TMCC1: variants seen among roughly 807,000 people sequenced by gnomAD.
TMCC1 encodes the protein transmembrane and coiled-coil domains protein 1.
Under a neutral mutation model 52.4 loss-of-function variants are expected in TMCC1, and 15 were observed. That is an observed-to-expected ratio of 0.29 (90% CI 0.19 to 0.44). The LOEUF is 0.44. Among genes scored for constraint, TMCC1 ranks in the 20% least tolerant of loss-of-function variants. The pLI, the probability that TMCC1 is intolerant of heterozygous loss-of-function variation, is 1.00. For missense variants in TMCC1, 503 were observed against 806.0 expected, an observed-to-expected ratio of 0.62 and a Z score of 4.55; for synonymous variants, 279 against 301.9, an observed-to-expected ratio of 0.92 and a Z score of 0.79.
intron 1 of TMCC1, among the ~76,000 whole-genome samples, chr3:129,887,642 A>C (rs2061776849): frequency 6.6e-6 from 1 of 152,126 alleles, no homozygotes. Flanking sequence ...GCATTAAAAA[A>C]AAGACCACTC....
intron 4 of TMCC1, among the ~76,000 whole-genome samples, chr3:129,825,541 G>A (rs1199571744): frequency 1.3e-5 from 2 of 150,816 alleles, no homozygotes; most frequent in Non-Finnish European, 2.9e-5. Context: ...GTGGGGGTGG[G>A]TGGTAGGGGG....
At chr3:129,889,084 C>A (rs895578318) in intron 1 of TMCC1, among the ~76,000 whole-genome samples, 62 of 152,102 alleles carry the variant, frequency 4.1e-4, no homozygotes, top group African/African-American at 1.4e-3. Context: ...CCAGCCTGGG[C>A]ACCATGGTGA....
intron 4 of TMCC1, among the ~76,000 whole-genome samples, chr3:129,729,984 A>T (rs906888040): frequency 1.3e-5 from 2 of 152,080 alleles, no homozygotes; most frequent in Non-Finnish European, 2.9e-5. Flanking sequence ...AAAAATTTTT[A>T]AATAAATAAA....
intron 2 of TMCC1, among the ~76,000 whole-genome samples, chr3:129,839,696 G>A (rs1014317785): frequency 2.6e-5 from 4 of 152,060 alleles, no homozygotes; most frequent in African/African-American, 9.7e-5. Flanking sequence ...ACCAGCCTGG[G>A]CAACATAGTG....
chr3:129,753,652 C>A (rs2052732881), intron 4 of TMCC1, among the ~76,000 whole-genome samples: 1 of 152,064 alleles, frequency 6.6e-6, no homozygotes, highest in Non-Finnish European at 1.5e-5. Context: ...ATGAAACATT[C>A]ATTCATGATA....
intron 4 of TMCC1, among the ~76,000 whole-genome samples, chr3:129,823,098 G>A (rs943306773): frequency 2.6e-5 from 4 of 152,166 alleles, no homozygotes; most frequent in Non-Finnish European, 5.9e-5. Flanking sequence ...GGCTGAGGCA[G>A]GTGGATCATT....
At chr3:129,809,811 C>CT (rs552100580) in intron 4 of TMCC1, among the ~76,000 whole-genome samples, 41 of 152,262 alleles carry the variant, frequency 2.7e-4, no homozygotes, top group East Asian at 1.5e-3. Context: ...GTAGCCAATT[C>CT]TTTTTTTACC....
intron 4 of TMCC1, among the ~76,000 whole-genome samples, chr3:129,725,919 T>A (rs1044893240): frequency 5.3e-5 from 8 of 152,122 alleles, no homozygotes; most frequent in Non-Finnish European, 8.8e-5. Context: ...CTGCCAAAGG[T>A]AGGAGATACA....
intron 4 of TMCC1, among the ~76,000 whole-genome samples, chr3:129,780,029 TC>T (rs2055390103): frequency 1.3e-5 from 2 of 152,086 alleles, no homozygotes; most frequent in Non-Finnish European, 2.9e-5. Flanking sequence ...GCCATTCTGA[TC>T]CCCTTTTTTC....
chr3:129,783,821 C>T (rs1023468444), intron 4 of TMCC1, among the ~76,000 whole-genome samples: 2 of 152,112 alleles, frequency 1.3e-5, no homozygotes, highest in Non-Finnish European at 1.5e-5. Flanking sequence ...GAAATCTTTT[C>T]GTCACACCAA....
At chr3:129,734,371 G>A (rs2050774611) in intron 4 of TMCC1, among the ~76,000 whole-genome samples, 1 of 152,148 alleles carries the variant, frequency 6.6e-6, no homozygotes, top group South Asian at 2.1e-4. Context: ...TTAAAATCAT[G>A]TAAAACAAAA....
intron 4 of TMCC1, among the ~76,000 whole-genome samples, chr3:129,721,978 T>C (rs2049649185): frequency 6.6e-6 from 1 of 152,256 alleles, no homozygotes; most frequent in Non-Finnish European, 1.5e-5. Flanking sequence ...ATTGTTATAT[T>C]AAAAGTTTTA....
chr3:129,721,704 C>CAAAAAAAAAAAAAAA (rs765601986), intron 4 of TMCC1, among the ~76,000 whole-genome samples: 1 of 76,058 alleles, frequency 1.3e-5, no homozygotes, highest in African/African-American at 4.3e-5. Flanking sequence ...ACTAAAAATA[C>CAAAAAAAAAAAAAAA]AAAAAAAAAA....
chr3:129,657,531 T>C (rs1443088687), intron 5 of TMCC1, among the ~76,000 whole-genome samples: 4 of 152,234 alleles, frequency 2.6e-5, no homozygotes, highest in Admixed American at 2.0e-4. Context: ...ATCCAAGTTC[T>C]TAAACTTTAC....
At chr3:129,797,986 C>CTTTTTTTTTTT (rs11417298) in intron 4 of TMCC1, among the ~76,000 whole-genome samples, 1 of 136,662 alleles carries the variant, frequency 7.3e-6, no homozygotes. Flanking sequence ...AGTTGTGTGC[C>CTTTTTTTTTTT]TTTTTTTTTT....
intron 2 of TMCC1, among the ~76,000 whole-genome samples, chr3:129,871,917 T>C (rs1202334091): frequency 6.6e-6 from 1 of 152,262 alleles, no homozygotes; most frequent in African/African-American, 2.4e-5. Flanking sequence ...CCATTTTTTT[T>C]ACCTATCAGA....
At chr3:129,806,638 A>G (rs758198421) in intron 4 of TMCC1, among the ~76,000 whole-genome samples, 2 of 152,252 alleles carry the variant, frequency 1.3e-5, no homozygotes, top group Non-Finnish European at 2.9e-5. Context: ...AACATAAAAG[A>G]CAGAAACTAA....
chr3:129,876,286 C>CAAAAAAA (rs61167884), intron 2 of TMCC1, among the ~76,000 whole-genome samples: 2 of 90,988 alleles, frequency 2.2e-5, no homozygotes. Flanking sequence ...ATGCCTGGCT[C>CAAAAAAA]AAAAAAAAAA....
At chr3:129,837,477 C>G (rs186353722) in intron 2 of TMCC1, among the ~76,000 whole-genome samples, 2 of 152,272 alleles carry the variant, frequency 1.3e-5, no homozygotes, top group East Asian at 3.9e-4. Context: ...CAATAATAAA[C>G]ATCAAACACA....
Sources: allele counts gnomAD v4.1 joint callset (sites outside exome capture counted in the v4.1 genomes callset), GRCh38; gene constraint gnomAD v4.1.1; transcripts MANE v1.5; gene names NCBI Gene and HGNC (gene_info 2026-07-23, HGNC 2026-07-21).